KCNK9: variants seen among roughly 807,000 people sequenced by gnomAD.
The protein encoded by KCNK9 is potassium two pore domain channel subfamily K member 9, also known as potassium channel subfamily K member 9.
A neutral mutation model predicts 10.8 loss-of-function variants in KCNK9; 1 was observed. That is an observed-to-expected ratio of 0.09 (90% CI 0.03 to 0.44). KCNK9 has a LOEUF of 0.44. Ranked by LOEUF, KCNK9 falls within the 20% of genes least tolerant of loss-of-function variation. The pLI is 0.97. For missense variants in KCNK9, 303 were observed against 515.0 expected, an observed-to-expected ratio of 0.59 and a Z score of 3.98; for synonymous variants, 231 against 222.7, an observed-to-expected ratio of 1.04 and a Z score of -0.33.
chr8:139,664,004 C>T (rs535935107), intron 1 of KCNK9, among the ~76,000 whole-genome samples: 3 of 152,272 alleles, frequency 2.0e-5, no homozygotes, highest in Admixed American at 6.5e-5. Flanking sequence ...CTCTGGAGAA[C>T]GCTGCGAGGG....
intron 1 of KCNK9, among the ~76,000 whole-genome samples, chr8:139,646,924 T>G (rs1457659640): frequency 6.6e-6 from 1 of 152,246 alleles, no homozygotes; most frequent in Admixed American, 6.5e-5. Flanking sequence ...TCATCTCTAA[T>G]GGGGCCCCCT....
At chr8:139,643,380 G>A (rs948204623) in intron 1 of KCNK9, among the ~76,000 whole-genome samples, 2 of 152,206 alleles carry the variant, frequency 1.3e-5, no homozygotes, top group Non-Finnish European at 2.9e-5. Context: ...CTCCCCGGAG[G>A]AAATGACATC....
At chr8:139,667,350 A>G (rs986048772) in intron 1 of KCNK9, among the ~76,000 whole-genome samples, 1 of 150,870 alleles carries the variant, frequency 6.6e-6, no homozygotes, top group Non-Finnish European at 1.5e-5. Flanking sequence ...TTGCACTTCT[A>G]GGGATTTATC....
intron 1 of KCNK9, among the ~76,000 whole-genome samples, chr8:139,657,692 G>T (rs994975062): frequency 2.0e-5 from 3 of 152,204 alleles, no homozygotes; most frequent in Non-Finnish European, 2.9e-5. Flanking sequence ...TTCCCCATAT[G>T]CAGAATGGAG....
chr8:139,662,338 G>A (rs536483924), intron 1 of KCNK9, among the ~76,000 whole-genome samples: 1 of 152,336 alleles, frequency 6.6e-6, no homozygotes, highest in East Asian at 1.9e-4. Context: ...TAGGGGCTGG[G>A]TGTGGCCAGG....
chr8:139,644,793 C>G (rs1815624450), intron 1 of KCNK9, among the ~76,000 whole-genome samples: 1 of 151,556 alleles, frequency 6.6e-6, no homozygotes, highest in African/African-American at 2.4e-5. Flanking sequence ...CACTCAGGCA[C>G]TGACCGGGCT....
chr8:139,615,446 C>G (rs548951060), downstream of KCNK9, among the ~76,000 whole-genome samples: 1 of 152,130 alleles, frequency 6.6e-6, no homozygotes, highest in Non-Finnish European at 1.5e-5. Flanking sequence ...CTGCCCTCCC[C>G]ACTCTGAGAC....
chr8:139,658,006 G>A (rs1259708731), intron 1 of KCNK9, among the ~76,000 whole-genome samples: 2 of 152,222 alleles, frequency 1.3e-5, no homozygotes, highest in African/African-American at 4.8e-5. Context: ...AATGGGCTAT[G>A]GTTTCCTGTT....
chr8:139,667,656 A>T (rs1344132604), intron 1 of KCNK9, among the ~76,000 whole-genome samples: 1 of 152,308 alleles, frequency 6.6e-6, no homozygotes, highest in East Asian at 1.9e-4. Flanking sequence ...AGATCGTGCC[A>T]CCGCACTCCA....
chr8:139,688,143 G>T (rs528453551), intron 1 of KCNK9, among the ~76,000 whole-genome samples: 102 of 152,198 alleles, frequency 6.7e-4, no homozygotes, highest in Non-Finnish European at 1.2e-3. Flanking sequence ...AAGGAGATAG[G>T]ATCACCCATA....
intron 1 of KCNK9, among the ~76,000 whole-genome samples, chr8:139,673,031 G>A (rs934599350): frequency 5.9e-5 from 9 of 152,204 alleles, no homozygotes; most frequent in Non-Finnish European, 8.8e-5. Context: ...CACCTACCAC[G>A]TGCAGAACGG....
At chr8:139,665,137 C>T (rs749477373) in intron 1 of KCNK9, among the ~76,000 whole-genome samples, 2 of 152,188 alleles carry the variant, frequency 1.3e-5, no homozygotes, top group Non-Finnish European at 2.9e-5. Flanking sequence ...TCTTGCAGTT[C>T]AAGAGGTTAG....
intron 1 of KCNK9, among the ~76,000 whole-genome samples, chr8:139,666,781 G>C (rs931884722): frequency 4.6e-5 from 7 of 152,226 alleles, no homozygotes; most frequent in African/African-American, 1.4e-4. Flanking sequence ...ACCAACATCT[G>C]GCTTGATTTT....
intron 1 of KCNK9, among the ~76,000 whole-genome samples, chr8:139,655,411 T>TC (rs1346491905): frequency 6.6e-6 from 1 of 152,120 alleles, no homozygotes; most frequent in Non-Finnish European, 1.5e-5. Flanking sequence ...TGGCTGGCTC[T>TC]CTCCCATTCA....
At chr8:139,645,785 G>A (rs949984404) in intron 1 of KCNK9, among the ~76,000 whole-genome samples, 4 of 152,190 alleles carry the variant, frequency 2.6e-5, no homozygotes, top group Admixed American at 6.5e-5. Flanking sequence ...CGGTGCACAG[G>A]AGGAATCCAC....
At chr8:139,616,104 C>A (rs1814581512), downstream of KCNK9, 1 of 152,154 alleles carries the variant, frequency 6.6e-6, no homozygotes, top group African/African-American at 2.4e-5. Context: ...CCTCTCAGTG[C>A]CTTGGTGTCG....
At chr8:139,616,974 A>C (rs1275208643), downstream of KCNK9, 1 of 152,138 alleles carries the variant, frequency 6.6e-6, no homozygotes, top group Admixed American at 6.6e-5. Context: ...GAGAGTAGGG[A>C]GGAATTTCTA....
intron 1 of KCNK9, among the ~76,000 whole-genome samples, chr8:139,651,018 G>A (rs1303911341): frequency 6.6e-6 from 1 of 152,144 alleles, no homozygotes; most frequent in Non-Finnish European, 1.5e-5. Flanking sequence ...AGAGTACTGG[G>A]CTGCAGGTCA....
chr8:139,601,268 GCCCGGC>G (rs1817361136), exon 3 of KCNK9: 1 of 152,196 alleles, frequency 6.6e-6, no homozygotes, highest in Non-Finnish European at 1.5e-5. Flanking sequence ...TAGCTCTGTG[GCCCGGC>G]CTTTAAGAGG....
Sources: allele counts gnomAD v4.1 joint callset (sites outside exome capture counted in the v4.1 genomes callset), GRCh38; gene constraint gnomAD v4.1.1; transcripts MANE v1.5; gene names NCBI Gene and HGNC (gene_info 2026-07-23, HGNC 2026-07-21).